Variants in NCOR2 observed in about 807,000 individuals in gnomAD.
NCOR2 encodes CTG repeat protein 26.
Under a neutral mutation model 262.9 loss-of-function variants are expected in NCOR2, and 81 were observed. That is an observed-to-expected ratio of 0.31 (90% CI 0.26 to 0.37). NCOR2 has a LOEUF of 0.37. Ranked by LOEUF, NCOR2 falls within the 10% of genes least tolerant of loss-of-function variation. The pLI is 1.00. For synonymous variants in NCOR2, 1,659 were observed against 1,559.3 expected (o/e 1.06, Z -1.51); for missense variants, 3,385 against 3,621.4 (o/e 0.93, Z 1.68).
At chr12:124,453,704 C>T (rs533509163) in intron 6 of NCOR2, among the ~76,000 whole-genome samples, 10 of 152,320 alleles carry the variant, frequency 6.6e-5, no homozygotes, top group African/African-American at 2.2e-4. Flanking sequence ...CTTAAAATAA[C>T]GCCTTGGAAC....
chr12:124,555,504 C>T (rs527961233), intron 1 of NCOR2, among the ~76,000 whole-genome samples: 1 of 152,314 alleles, frequency 6.6e-6, no homozygotes, highest in Admixed American at 6.5e-5. Flanking sequence ...CAGCAGTCCC[C>T]CCAAGCGTCC....
At chr12:124,386,730 G>T (rs924533661) in intron 16 of NCOR2, among the ~76,000 whole-genome samples, 1 of 152,208 alleles carries the variant, frequency 6.6e-6, no homozygotes, top group Non-Finnish European at 1.5e-5. Context: ...CACCAGGCTC[G>T]GCAGAAACAC....
At chr12:124,357,503 C>T (rs574074216) in intron 22 of NCOR2, among the ~76,000 whole-genome samples, 1 of 152,304 alleles carries the variant, frequency 6.6e-6, no homozygotes, top group Non-Finnish European at 1.5e-5. Context: ...GTTATGTGTG[C>T]CCAGGCTGGT....
exon 47 of NCOR2, chr12:124,325,273 G>T: frequency 1.9e-6 from 1 of 533,272 alleles, no homozygotes; most frequent in Non-Finnish European, 3.0e-6. Flanking sequence ...CGGACAGATG[G>T]ATGGAGGCGC....
rs1170132510 is a variant in NCOR2 at position 124,346,740 on chromosome 12, C to T, written c.4183G>A (p.Glu1395Lys). Residue 1395 changes from glutamate to lysine, a missense_variant, in exon 31 of 47, where the codon GAG (glutamate) becomes AAG (lysine). Glu to Lys is a moderately conservative substitution (Grantham distance 56). Around this residue, in one of 5 missense-constraint regions of NCOR2, gnomAD observed 1,615 missense variants for 1,626.9 expected, o/e 0.99. Coordinates refer to ENST00000405201, the Ensembl canonical transcript of NCOR2. ...CCCAGGGCCTGCGTCTTGTAGGCCT[C>T]GGTCAGGTCCCGTGAGGGCGGTGGG... is the stretch of plus-strand genomic sequence containing the variant. The T allele has an allele frequency of 1.0e-5, 16 of 1,559,716 alleles. No homozygotes were observed. The highest frequency in any genetic ancestry group is 1.2e-5 in the South Asian group (1 of 84,902).
At chr12:124,508,384 C>T (rs576360382) in intron 1 of NCOR2, among the ~76,000 whole-genome samples, 3 of 152,386 alleles carry the variant, frequency 2.0e-5, no homozygotes, top group South Asian at 2.1e-4. Context: ...TAAACAAATG[C>T]TTCAGCGCCC....
intron 1 of NCOR2, among the ~76,000 whole-genome samples, chr12:124,494,084 C>G (rs1240241764): frequency 1.3e-5 from 2 of 152,202 alleles, no homozygotes; most frequent in Non-Finnish European, 2.9e-5. Context: ...CTACAGGAGG[C>G]CACTGTGTCA....
chr12:124,520,613 T>A lies in NCOR2; in HGVS notation c.-118+14952A>T, dbSNP rs538002343. ...CCGCCAGACACTCCGCAGCAAATTGTTTGTTGAGTGACTTAATGAAGACCA... is the reference window on the plus strand; with the variant it reads ...CCGCCAGACACTCCGCAGCAAATTGATTGTTGAGTGACTTAATGAAGACCA... On this transcript the variant is annotated intron_variant, in intron 1 of 46. Coordinates refer to the NCOR2 transcript ENST00000404621. 4.6e-5 allele frequency among the ~76,000 whole-genome samples: 7 copies of A among 152,066 alleles called. No individual in the cohort carries two copies. The East Asian group carries it at 1.2e-3, about 25-fold the overall frequency.
intron 1 of NCOR2, among the ~76,000 whole-genome samples, chr12:124,489,105 T>C (rs903080967): frequency 6.6e-6 from 1 of 151,730 alleles, no homozygotes; most frequent in Non-Finnish European, 1.5e-5. Flanking sequence ...CTGGAGGCTC[T>C]AGGGGAAGGC....
At chr12:124,405,248 T>TA (rs879575453) in intron 13 of NCOR2, among the ~76,000 whole-genome samples, 2 of 152,188 alleles carry the variant, frequency 1.3e-5, no homozygotes, top group African/African-American at 2.4e-5. Flanking sequence ...TGGTCTCCCC[T>TA]ACCCACCCAC....
At chr12:124,434,656 G>C (rs562688840) in intron 8 of NCOR2, among the ~76,000 whole-genome samples, 4 of 152,268 alleles carry the variant, frequency 2.6e-5, no homozygotes, top group African/African-American at 9.6e-5. Context: ...TCACCCCAAG[G>C]GGGGAACCAT....
At chr12:124,439,103 GGAGA>G (rs1191612605) in intron 7 of NCOR2, among the ~76,000 whole-genome samples, 1 of 86,780 alleles carries the variant, frequency 1.2e-5, no homozygotes, top group Non-Finnish European at 2.3e-5. Flanking sequence ...AGAGACAGAG[GGAGA>G]GACAGAGACC....
chr12:124,483,807 A>C lies in NCOR2; in HGVS notation c.234-34T>G. The stretch of plus-strand genomic sequence containing the variant: ...GGTGAGGCATCCAACGTCACATAGG[A>C]GATTGCGGCTCTGAGAACTCCCGAG... On this transcript the variant is annotated intron_variant, in intron 2 of 46. Coordinates refer to ENST00000405201, the Ensembl canonical transcript of NCOR2. The surrounding 1 kb of genome is among the most constrained non-coding windows in gnomAD (Gnocchi z 6.3). 6.5e-7 allele frequency: 1 copy of C among 1,536,404 alleles called. No homozygotes were observed. The highest frequency in any genetic ancestry group is 8.8e-7 in the Non-Finnish European group (1 of 1,140,740).
Position 124,420,131 on chromosome 12 carries a change from T to C in NCOR2, c.1384-76A>G, listed in dbSNP as rs1394955124. 3 of 1,236,630 alleles carry C rather than the reference T, an allele frequency of 2.4e-6. No homozygotes were observed. In the East Asian group the frequency reaches 7.0e-5, roughly 29 times the overall value. 76.6% of individuals were successfully genotyped at this position (1,236,630 alleles called of 1,614,324 possible). A position where few individuals can be genotyped will look rare whatever the true frequency, so the allele number is the denominator to read the frequency against. ...GGGCAGGAGCCAGGAGCTCACATCC[T>C]GGGCTCATATCCTGCCTCTTCCACG... On this transcript the variant is annotated intron_variant, in intron 12 of 46. Coordinates refer to ENST00000405201, the Ensembl canonical transcript of NCOR2.
chr12:124,430,834 A>C (rs1565936845), intron 8 of NCOR2, 47 bp from the exon 11 acceptor site: 1 of 1,545,778 alleles, frequency 6.5e-7, no homozygotes, highest in South Asian at 1.2e-5. Flanking sequence ...TGCACCTGGC[A>C]CCCGCCGCCT....
intron 33 of NCOR2, 152 bp from the exon 36 acceptor site, chr12:124,342,226 G>T: frequency 1.1e-6 from 1 of 898,084 alleles, no homozygotes. Context: ...ACTGAGCGTC[G>T]GACAGCAGGA....
chr12:124,336,917 G>A, exon 38 of NCOR2: 10 of 1,591,808 alleles, frequency 6.3e-6, no homozygotes, highest in Non-Finnish European at 6.8e-6. Flanking sequence ...GCCAGAGACA[G>A]GAGGCACTAG....
At position 124,466,373 on chromosome 12, in the gene NCOR2, G is replaced by A. The variant is rs910673420; in HGVS notation, c.592-87C>T. ...CCCCAGGGCGCGGGGAGGCCCCCTT[G>A]CAGCCCGGGCCACGGCCGCGCACAG... is the stretch of plus-strand genomic sequence containing the variant. On this transcript the variant is annotated intron_variant, in intron 4 of 46. Transcript: ENST00000405201. 22 of 1,226,854 alleles carry A rather than the reference G, an allele frequency of 1.8e-5. No individual in the cohort carries two copies. In the South Asian group the frequency reaches 2.6e-4, roughly 15 times the overall value. 76.0% of individuals were successfully genotyped at this position (1,226,854 alleles called of 1,614,324 possible).
chr12:124,563,392 A>G (rs938798712), intron 1 of NCOR2, among the ~76,000 whole-genome samples: 75 of 152,240 alleles, frequency 4.9e-4, no homozygotes, highest in African/African-American at 1.7e-3. Flanking sequence ...CAAAATAGAC[A>G]TGATAATAAC....
Sources: allele counts gnomAD v4.1 joint callset (sites outside exome capture counted in the v4.1 genomes callset), GRCh38; gene constraint gnomAD v4.1.1; regional missense constraint gnomAD v4.1.1; non-coding constraint Gnocchi (gnomAD v3.1); transcripts MANE v1.5; gene names NCBI Gene and HGNC (gene_info 2026-07-23, HGNC 2026-07-21).